PRUNE2: variants seen among roughly 807,000 people sequenced by gnomAD.
PRUNE2 encodes protein prune homolog 2.
A neutral mutation model predicts 252.0 loss-of-function variants in PRUNE2; 164 were observed. That is an observed-to-expected ratio of 0.65 (90% confidence interval 0.57 to 0.74). The LOEUF is 0.74. Ranked by LOEUF, PRUNE2 falls within the 30% of genes least tolerant of loss-of-function variation. The pLI, the probability that PRUNE2 is intolerant of heterozygous loss-of-function variation, is 0.00. For missense variants in PRUNE2, 3,495 were observed against 3,711.0 expected (o/e 0.94, Z 1.51); for synonymous variants, 1,292 against 1,350.2 (o/e 0.96, Z 0.94).
At chr9:76,796,223 T>G (rs1458099651) in intron 6 of PRUNE2, among the ~76,000 whole-genome samples, 2 of 152,210 alleles carry the variant, frequency 1.3e-5, no homozygotes, top group Non-Finnish European at 2.9e-5. Context: ...CCAAAGGAAT[T>G]TTTTAAATAA....
intron 9 of PRUNE2, among the ~76,000 whole-genome samples, chr9:76,689,316 ATTTATT>A (rs2044458050): frequency 6.6e-6 from 1 of 152,166 alleles, no homozygotes; most frequent in Admixed American, 6.5e-5. Flanking sequence ...AGAGTGGTAG[ATTTATT>A]TTTAAGCCAT....
intron 9 of PRUNE2, among the ~76,000 whole-genome samples, chr9:76,688,184 C>T (rs1225635007): frequency 6.6e-6 from 1 of 152,162 alleles, no homozygotes; most frequent in African/African-American, 2.4e-5. Flanking sequence ...AGGAAAACGT[C>T]ACCATCCTCT....
chr9:76,767,343 C>T (rs2092707875), intron 6 of PRUNE2, among the ~76,000 whole-genome samples: 1 of 151,850 alleles, frequency 6.6e-6, no homozygotes, highest in African/African-American at 2.4e-5. Context: ...CCCAGCTACT[C>T]GAGAGGCCGA....
chr9:76,765,601 T>C (rs1343805658), intron 6 of PRUNE2, among the ~76,000 whole-genome samples: 1 of 152,186 alleles, frequency 6.6e-6, no homozygotes, highest in Admixed American at 6.5e-5. Flanking sequence ...GTAAACTATC[T>C]ATCCATCCAT....
chr9:76,719,696 G>C (rs1301492926), intron 6 of PRUNE2, among the ~76,000 whole-genome samples: 1 of 151,854 alleles, frequency 6.6e-6, no homozygotes, highest in Non-Finnish European at 1.5e-5. Context: ...CACCCAGGCT[G>C]GAGTGCAATG....
chr9:76,831,807 G>A (rs904117533), intron 4 of PRUNE2, among the ~76,000 whole-genome samples: 3 of 152,180 alleles, frequency 2.0e-5, no homozygotes, highest in Middle Eastern at 3.4e-3. Flanking sequence ...AAAGCACTTC[G>A]ATTCAAAGAC....
intron 11 of PRUNE2, among the ~76,000 whole-genome samples, chr9:76,647,544 A>G (rs1010361970): frequency 6.6e-6 from 1 of 152,208 alleles, no homozygotes. Flanking sequence ...TGAAATTAAA[A>G]CTACTATATA....
At chr9:76,635,113 G>GCA (rs1839439591) in intron 15 of PRUNE2, among the ~76,000 whole-genome samples, 1 of 152,064 alleles carries the variant, frequency 6.6e-6, no homozygotes, top group Admixed American at 6.6e-5. Context: ...GGGACTATAG[G>GCA]CACACCACCA....
rs369564004 is a variant in PRUNE2, at chr9:76,709,536, T to G, written c.2738A>C (p.Tyr913Ser). 6.2e-7 allele frequency: 1 copy of G among 1,613,950 alleles called. No homozygotes were observed. The highest frequency in any genetic ancestry group is 1.3e-5 in the African/African-American group (1 of 74,950). ...AAGGTTCCAGGAATCTACCTTTTCA[T>G]ATACCTTGCCCCTAGTTTTAGGATC... The part of the protein sequence containing the change: ...LVDPKTRGKV[Y>S]EKVDSWNLFE... Residue 913 changes from tyrosine to serine, a missense_variant, in exon 8 of 19, where the codon TAT becomes TCT. Physicochemically the swap from Tyr to Ser is moderately radical, Grantham distance 144. Coordinates refer to ENST00000376718, the MANE Select transcript of PRUNE2 (RefSeq NM_015225.3).
intron 1 of PRUNE2, among the ~76,000 whole-genome samples, chr9:76,861,733 A>G (rs2060559420): frequency 6.6e-6 from 1 of 151,908 alleles, no homozygotes; most frequent in Admixed American, 6.5e-5. Flanking sequence ...TATAGTTTAT[A>G]TCTTCTGGAT....
intron 1 of PRUNE2, among the ~76,000 whole-genome samples, chr9:76,900,845 C>G (rs928335733): frequency 6.6e-6 from 1 of 152,150 alleles, no homozygotes; most frequent in African/African-American, 2.4e-5. Context: ...AGGAATAATG[C>G]CTCCATCACC....
Position 76,713,715 on chromosome 9 carries a change from G to C in PRUNE2, c.763C>G (p.Leu255Val). 6.3e-7 allele frequency: 1 copy of C among 1,590,614 alleles called. No homozygotes were observed. The highest frequency in any genetic ancestry group is 1.2e-5 in the South Asian group (1 of 86,378). Reference sequence around the variant, plus strand: ...TCACTGGTAATATTGCTGTGAAATAGACAATTCTGAAACGACAACAGGAAA... The same window carrying C: ...TCACTGGTAATATTGCTGTGAAATACACAATTCTGAAACGACAACAGGAAA... ...STVSMNLENCLFHSNITSDLK... is the reference protein window; with the variant it reads ...STVSMNLENCVFHSNITSDLK... The change falls in exon 7 of 19, where the codon CTA (leucine) becomes GTA (valine). Residue 255 changes from leucine to valine, a missense_variant. Coordinates refer to ENST00000376718, the MANE Select transcript of PRUNE2 (RefSeq NM_015225.3).
intron 6 of PRUNE2, among the ~76,000 whole-genome samples, chr9:76,754,537 G>A (rs574005308): frequency 1.3e-5 from 2 of 152,120 alleles, no homozygotes. Context: ...GAGTTTTACC[G>A]GCCAAACACT....
rs2046905060 is a variant in PRUNE2, at chr9:76,713,555, G to A, written c.915+8C>T. ...AGGGAACATGACGGGGTCAGAGGAGGGGCTCACCTGACTGCACAGCTCCAT... is the reference window on the plus strand; with the variant it reads ...AGGGAACATGACGGGGTCAGAGGAGAGGCTCACCTGACTGCACAGCTCCAT... On this transcript the variant is annotated splice_region_variant and intron_variant, in intron 7 of 18. Coordinates refer to ENST00000376718, the MANE Select transcript of PRUNE2 (RefSeq NM_015225.3). 6.2e-7 allele frequency: 1 copy of A among 1,605,476 alleles called. No individual in the cohort carries two copies. Among genetic ancestry groups the A allele is most frequent in the Non-Finnish European group, 8.5e-7 (1 of 1,175,992 alleles).
chr9:76,895,548 G>A (rs1451839351), intron 1 of PRUNE2, among the ~76,000 whole-genome samples: 4 of 152,112 alleles, frequency 2.6e-5, no homozygotes, highest in Admixed American at 2.6e-4. Context: ...TTAATTATCT[G>A]AGTGGGAAAT....
Position 76,642,102 on chromosome 9 carries a change from T to C in PRUNE2, c.8728+2637A>G, listed in dbSNP as rs569901615. The C allele has an allele frequency of 1.2e-5, 9 of 780,406 alleles. No individual in the cohort carries two copies. In the Admixed American group the frequency reaches 2.3e-4, roughly 20 times the overall value. The allele number at this position is 780,406 out of a possible 1,614,324, so 48.3% of individuals were successfully genotyped here. A position where few individuals can be genotyped will look rare whatever the true frequency, so the allele number is the denominator to read the frequency against. On this transcript the variant is annotated intron_variant, in intron 12 of 18. Coordinates refer to ENST00000376718, the MANE Select transcript of PRUNE2 (RefSeq NM_015225.3). Reference sequence around the variant, plus strand: ...TTTAAATGGGTTTCTCAGCTCCAAGTTCAAAAAAAAAGCCAGTTCTAGCCT... The same window carrying C: ...TTTAAATGGGTTTCTCAGCTCCAAGCTCAAAAAAAAAGCCAGTTCTAGCCT...
chr9:76,768,408 G>C (rs1194267366), intron 6 of PRUNE2, among the ~76,000 whole-genome samples: 1 of 152,028 alleles, frequency 6.6e-6, no homozygotes, highest in Admixed American at 6.6e-5. Context: ...GGCCAAGCTG[G>C]TCTCAAACTC....
intron 1 of PRUNE2, among the ~76,000 whole-genome samples, chr9:76,875,117 C>T (rs562236600): frequency 4.1e-4 from 62 of 152,224 alleles, no homozygotes; most frequent in African/African-American, 1.4e-3. Context: ...TTTCAACCCC[C>T]AAGCCTTTGC....
At chr9:76,792,341 C>T (rs1382622250) in intron 6 of PRUNE2, among the ~76,000 whole-genome samples, 1 of 152,180 alleles carries the variant, frequency 6.6e-6, no homozygotes, top group Non-Finnish European at 1.5e-5. Flanking sequence ...GCCTCCCCAG[C>T]CATGTGGAAC....
Sources: gnomAD v4.1 joint callset for allele counts (sites outside exome capture counted in the v4.1 genomes callset) on GRCh38, gnomAD v4.1.1 for gene constraint, MANE v1.5 for transcripts, NCBI Gene and HGNC (gene_info 2026-07-23, HGNC 2026-07-21) for gene names.